Variants in WDFY4 observed in about 807,000 individuals in gnomAD.
WDFY4 encodes WDFY family member 4.
A neutral mutation model predicts 351.9 loss-of-function variants in WDFY4; 169 were observed. The ratio of observed to expected loss-of-function variants is 0.48; its 90% CI spans 0.42 to 0.55. The LOEUF is 0.55. WDFY4 is among the 20% of genes least tolerant of loss of function. The pLI, the probability that WDFY4 is intolerant of heterozygous loss-of-function variation, is 0.00. For synonymous variants in WDFY4, 1,622 were observed against 1,574.6 expected (o/e 1.03, Z -0.71); for missense variants, 3,803 against 3,935.6 (o/e 0.97, Z 0.90).
chr10:48,943,592 A>C, intron 49 of WDFY4, 143 bp downstream of exon 49: 16 of 873,026 alleles, frequency 1.8e-5, no homozygotes, highest in Non-Finnish European at 2.5e-5. Context: ...GCTGAAGCTC[A>C]GATCTCTTTT....
intron 33 of WDFY4, 125 bp downstream of exon 33, chr10:48,820,562 G>A: frequency 9.5e-7 from 1 of 1,058,118 alleles, no homozygotes; most frequent in Non-Finnish European, 1.4e-6. Flanking sequence ...AGGGGAATCT[G>A]TGAACCATGG....
intron 47 of WDFY4, among the ~76,000 whole-genome samples, chr10:48,917,775 A>G (rs535119853): frequency 1.3e-5 from 2 of 152,206 alleles, no homozygotes; most frequent in Non-Finnish European, 2.9e-5. Flanking sequence ...CTAGAGAGGA[A>G]CTCCAAACTT....
At chr10:48,739,675 A>AC (rs2064790089) in intron 11 of WDFY4, among the ~76,000 whole-genome samples, 1 of 152,152 alleles carries the variant, frequency 6.6e-6, no homozygotes, top group African/African-American at 2.4e-5. Context: ...TAATGAGATT[A>AC]CCCCCATTTT....
At chr10:48,865,872 G>T (rs570423790) in intron 39 of WDFY4, among the ~76,000 whole-genome samples, 1 of 152,060 alleles carries the variant, frequency 6.6e-6, no homozygotes. Context: ...GCATACAATT[G>T]TTTATAGTAT....
chr10:48,805,744 G>A (rs576992070), intron 26 of WDFY4, among the ~76,000 whole-genome samples: 1 of 152,332 alleles, frequency 6.6e-6, no homozygotes, highest in Admixed American at 6.5e-5. Context: ...GACTCCTGAA[G>A]AGCAGTCCCA....
At chr10:48,777,305 G>T in intron 16 of WDFY4, 114 bp from the exon 17 acceptor site, 1 of 1,021,412 alleles carries the variant, frequency 9.8e-7, no homozygotes, top group Non-Finnish European at 1.5e-6. Flanking sequence ...GTCTAAGGAG[G>T]GTTACAGTGC....
chr10:48,792,896 T>C (rs1204940477), intron 23 of WDFY4, among the ~76,000 whole-genome samples: 1 of 152,074 alleles, frequency 6.6e-6, no homozygotes, highest in Non-Finnish European at 1.5e-5. Context: ...CGCGGTGAGC[T>C]CTCAGTGAGG....
chr10:48,800,561 C>T (rs375891333), intron 24 of WDFY4, among the ~76,000 whole-genome samples: 5 of 151,976 alleles, frequency 3.3e-5, no homozygotes, highest in South Asian at 4.2e-4. Context: ...CAAGGTTGGA[C>T]AGGAAGTTGT....
intron 28 of WDFY4, among the ~76,000 whole-genome samples, 186 bp from the exon 29 acceptor site, chr10:48,810,344 A>C (rs1383948427): frequency 6.6e-6 from 1 of 152,254 alleles, no homozygotes; most frequent in Non-Finnish European, 1.5e-5. Context: ...AGACAAATGC[A>C]TCATTTGCAC....
At chr10:48,952,097 G>A (rs2133803280) in intron 51 of WDFY4, among the ~76,000 whole-genome samples, 1 of 152,290 alleles carries the variant, frequency 6.6e-6, no homozygotes, top group South Asian at 2.1e-4. Context: ...GCCCATCCTG[G>A]CTGTTGACTT....
intron 39 of WDFY4, among the ~76,000 whole-genome samples, chr10:48,833,663 T>A (rs1474485347): frequency 6.6e-6 from 1 of 152,206 alleles, no homozygotes; most frequent in East Asian, 1.9e-4. Flanking sequence ...CTGTGATATA[T>A]TCTAATGCCA....
intron 9 of WDFY4, among the ~76,000 whole-genome samples, chr10:48,733,606 T>A (rs1401247627): frequency 6.6e-6 from 1 of 152,202 alleles, no homozygotes; most frequent in African/African-American, 2.4e-5. Flanking sequence ...ACCAGCCCCA[T>A]CAGCATTGCT....
Position 48,790,962 on chromosome 10 carries a change from G to C in WDFY4, c.4257+45G>C, listed in dbSNP as rs1411476238. 8 of 1,544,564 alleles carry C rather than the reference G, an allele frequency of 5.2e-6. No individual in the cohort carries two copies. The East Asian group carries it at 2.0e-4, about 38-fold the overall frequency. On this transcript the variant is annotated intron_variant, in intron 23 of 61. Transcript: ENST00000325239. ...TGGAACTGAGACTCCTGAAAGGGCT[G>C]TCATCCCTGGGAAACAGGGACAAGC...
rs2065151953 is a variant in WDFY4, at chr10:48,750,572, TC to T, written c.2459+7027del. Among the ~76,000 whole-genome samples the T allele has an allele frequency of 5.9e-5, 9 of 152,340 alleles. No homozygotes were observed. In the South Asian group the frequency reaches 1.9e-3, roughly 32 times the overall value. The stretch of plus-strand genomic sequence containing the variant: ...TCCCCATCCCATGGGCCAAATCAGA[TC>T]CCACTGCCTCACATTTCCTCAGCAC... On this transcript the variant is annotated intron_variant, in intron 12 of 61. Transcript: ENST00000325239.
chr10:48,836,879 G>T (rs779902333), intron 39 of WDFY4, among the ~76,000 whole-genome samples: 28 of 152,118 alleles, frequency 1.8e-4, no homozygotes, highest in Non-Finnish European at 2.8e-4. Flanking sequence ...ACTGCACAGG[G>T]TGGCCAGCTC....
chr10:48,835,584 G>T (rs1231337354), intron 39 of WDFY4, among the ~76,000 whole-genome samples: 2 of 152,172 alleles, frequency 1.3e-5, no homozygotes, highest in African/African-American at 4.8e-5. Context: ...CTCAAGAAGA[G>T]CAGAAATTTT....
At chr10:48,977,057 G>A (rs1285764574) in intron 59 of WDFY4, 78 bp downstream of exon 59, 5 of 1,293,680 alleles carry the variant, frequency 3.9e-6, no homozygotes, top group Admixed American at 3.9e-5. Flanking sequence ...CCTCCAGGGG[G>A]CCAAACCTGC....
intron 47 of WDFY4, among the ~76,000 whole-genome samples, chr10:48,920,063 C>G (rs1391596527): frequency 6.6e-6 from 1 of 151,746 alleles, no homozygotes; most frequent in Admixed American, 6.6e-5. Context: ...AATGACAGCC[C>G]AAACTTACTC....
At position 48,821,157 on chromosome 10, in the gene WDFY4, T is replaced by C. The variant is rs761997708; in HGVS notation, c.5805T>C (p.Gly1935=). The C allele has an allele frequency of 5.8e-6, 9 of 1,551,126 alleles. No individual in the cohort carries two copies. The highest frequency in any genetic ancestry group is 2.7e-5 in the African/African-American group (2 of 72,976). ...AMELFHMTSG[G]DAAMFRDGKE... Reference sequence around the variant, plus strand: ...AACTATTCCACATGACAAGTGGAGGTGATGCAGCGATGTTCAGAGGTGAGT... The same window carrying C: ...AACTATTCCACATGACAAGTGGAGGCGATGCAGCGATGTTCAGAGGTGAGT... Residue 1935 remains glycine (G), a synonymous_variant, in exon 34 of 62, where the codon GGT becomes GGC. Transcript: ENST00000325239.
Sources: allele counts gnomAD v4.1 joint callset (sites outside exome capture counted in the v4.1 genomes callset), GRCh38; gene constraint gnomAD v4.1.1; transcripts MANE v1.5; gene names NCBI Gene and HGNC (gene_info 2026-07-23, HGNC 2026-07-21).